ARHGAP15: variants seen among roughly 807,000 people sequenced by gnomAD.
The protein encoded by ARHGAP15 is Rho GTPase activating protein 15.
In ARHGAP15, 51 loss-of-function variants were observed where a neutral mutation model predicts 63.7. The observed-to-expected ratio is 0.80, with a 90% CI of 0.64 to 1.01. The LOEUF is 1.01. ARHGAP15 is among the 50% of genes least tolerant of loss of function. The pLI, the probability that ARHGAP15 is intolerant of heterozygous loss-of-function variation, is 0.00. For missense variants in ARHGAP15, 560 were observed against 564.6 expected (o/e 0.99, Z 0.08); for synonymous variants, 191 against 193.8 (o/e 0.99, Z 0.12).
chr2:143,535,893 A>G (rs911807848), intron 10 of ARHGAP15, among the ~76,000 whole-genome samples: 8 of 152,216 alleles, frequency 5.3e-5, no homozygotes, highest in African/African-American at 1.4e-4. Flanking sequence ...TGTTGTATCA[A>G]TGAACATCAG....
intron 11 of ARHGAP15, among the ~76,000 whole-genome samples, chr2:143,569,397 T>C (rs982391006): frequency 5.9e-5 from 9 of 152,118 alleles, no homozygotes; most frequent in Admixed American, 1.3e-4. Flanking sequence ...GAAGAACAGA[T>C]GGAGACGGGT....
At chr2:143,413,927 TTGTGTGTGTGTGTGTGTG>T (rs1553476588) in intron 6 of ARHGAP15, among the ~76,000 whole-genome samples, 3 of 127,992 alleles carry the variant, frequency 2.3e-5, no homozygotes, top group Non-Finnish European at 3.2e-5. Context: ...AGGTAGGTAG[TTGTGTGTGTGTGTGTGTG>T]TGTGTGTGTG....
chr2:143,479,844 GAAAATGT>G (rs1691992050), intron 8 of ARHGAP15, among the ~76,000 whole-genome samples: 1 of 146,840 alleles, frequency 6.8e-6, no homozygotes, highest in Admixed American at 6.9e-5. Flanking sequence ...TTGTTTTTCT[GAAAATGT>G]AGTATTTTCA....
intron 1 of ARHGAP15, among the ~76,000 whole-genome samples, chr2:143,135,974 A>G (rs1340422482): frequency 1.3e-5 from 2 of 152,190 alleles, no homozygotes; most frequent in Non-Finnish European, 2.9e-5. Flanking sequence ...CCCATTCATC[A>G]TCTCCACTTG....
intron 6 of ARHGAP15, among the ~76,000 whole-genome samples, chr2:143,337,208 A>G (rs1272109635): frequency 6.6e-6 from 1 of 151,704 alleles, no homozygotes; most frequent in African/African-American, 2.4e-5. Context: ...GGTCCATTTG[A>G]GGACTTCCCA....
chr2:143,596,029 T>C (rs1021948432), intron 11 of ARHGAP15, among the ~76,000 whole-genome samples: 2 of 152,148 alleles, frequency 1.3e-5, no homozygotes, highest in Non-Finnish European at 2.9e-5. Context: ...AGAAAGGCAC[T>C]CACTCAACTT....
At chr2:143,353,921 T>A (rs1455059250) in intron 6 of ARHGAP15, among the ~76,000 whole-genome samples, 1 of 152,134 alleles carries the variant, frequency 6.6e-6, no homozygotes, top group Non-Finnish European at 1.5e-5. Flanking sequence ...TGCCCCAAAG[T>A]TGTCATGATG....
chr2:143,504,322 G>T (rs1337871703), intron 9 of ARHGAP15, among the ~76,000 whole-genome samples: 2 of 152,080 alleles, frequency 1.3e-5, no homozygotes, highest in African/African-American at 4.8e-5. Flanking sequence ...CATAGGCTGG[G>T]CACTGGGCCT....
At chr2:143,453,690 TG>T (rs1441517628) in intron 8 of ARHGAP15, among the ~76,000 whole-genome samples, 51 of 151,884 alleles carry the variant, frequency 3.4e-4, no homozygotes, top group Admixed American at 1.2e-3. Context: ...TCCTGAACCA[TG>T]AGTCTGTTTT....
At chr2:143,385,776 A>G (rs1687263566) in intron 6 of ARHGAP15, among the ~76,000 whole-genome samples, 1 of 152,090 alleles carries the variant, frequency 6.6e-6, no homozygotes, top group Admixed American at 6.6e-5. Context: ...CTAATCAAGC[A>G]AAAGTATTTT....
intron 11 of ARHGAP15, among the ~76,000 whole-genome samples, chr2:143,620,816 G>A (rs1418633815): frequency 6.6e-6 from 1 of 152,210 alleles, no homozygotes; most frequent in Admixed American, 6.5e-5. Context: ...TACAGTGTAA[G>A]CTCTAAGTAA....
At chr2:143,699,953 T>TA (rs1357832350) in intron 12 of ARHGAP15, among the ~76,000 whole-genome samples, 2 of 152,190 alleles carry the variant, frequency 1.3e-5, no homozygotes, top group Non-Finnish European at 2.9e-5. Flanking sequence ...AAAAAGCTGT[T>TA]ACAGAATTCA....
At chr2:143,734,029 C>T (rs541130817) in intron 13 of ARHGAP15, among the ~76,000 whole-genome samples, 2 of 152,288 alleles carry the variant, frequency 1.3e-5, no homozygotes, top group East Asian at 3.9e-4. Flanking sequence ...ACCCTGCCCC[C>T]ATTCATGTTA....
At chr2:143,235,459 A>G (rs1402211257) in intron 5 of ARHGAP15, among the ~76,000 whole-genome samples, 1 of 152,198 alleles carries the variant, frequency 6.6e-6, no homozygotes, top group African/African-American at 2.4e-5. Flanking sequence ...GTTTGAAGAT[A>G]GGATAAGAGA....
chr2:143,504,358 A>G (rs1036040973), intron 9 of ARHGAP15, among the ~76,000 whole-genome samples: 1 of 152,184 alleles, frequency 6.6e-6, no homozygotes, highest in Non-Finnish European at 1.5e-5. Flanking sequence ...TTGTGATTCC[A>G]TCCTTCAAAA....
chr2:143,598,754 A>G (rs916221171), intron 11 of ARHGAP15, among the ~76,000 whole-genome samples: 1 of 152,008 alleles, frequency 6.6e-6, no homozygotes, highest in Admixed American at 6.6e-5. Context: ...AAAAACATGA[A>G]AAATAAAGAA....
At chr2:143,393,022 T>A (rs1170176800) in intron 6 of ARHGAP15, among the ~76,000 whole-genome samples, 1 of 152,128 alleles carries the variant, frequency 6.6e-6, no homozygotes, top group African/African-American at 2.4e-5. Flanking sequence ...TTCAGATACA[T>A]CTTAGCTTTT....
At chr2:143,745,690 C>T (rs1686138029) in intron 13 of ARHGAP15, among the ~76,000 whole-genome samples, 4 of 152,182 alleles carry the variant, frequency 2.6e-5, no homozygotes, top group African/African-American at 9.7e-5. Context: ...CAATTGATGG[C>T]TGTGCTTGCA....
intron 8 of ARHGAP15, among the ~76,000 whole-genome samples, chr2:143,451,311 A>G (rs1302582872): frequency 6.6e-6 from 1 of 151,926 alleles, no homozygotes; most frequent in Non-Finnish European, 1.5e-5. Context: ...GTTGTGGAGA[A>G]CAGAAGCTAT....
Sources: gnomAD v4.1 joint callset for allele counts (sites outside exome capture counted in the v4.1 genomes callset) on GRCh38, gnomAD v4.1.1 for gene constraint, MANE v1.5 for transcripts, NCBI Gene and HGNC (gene_info 2026-07-23, HGNC 2026-07-21) for gene names.